The following PPIG variants were observed in gnomAD, a reference collection of about 807,000 sequenced individuals.
PPIG encodes peptidylprolyl isomerase G.
In PPIG, 26 loss-of-function variants were observed where a neutral mutation model predicts 87.9. That is an observed-to-expected ratio of 0.30 (90% confidence interval 0.22 to 0.41). The LOEUF (loss-of-function observed/expected upper bound fraction) is 0.41. PPIG is among the 10% of genes least tolerant of loss of function. The pLI is 1.00. For missense variants in PPIG, 722 were observed against 879.4 expected, an observed-to-expected ratio of 0.82 and a Z score of 2.26; for synonymous variants, 308 against 276.5, an observed-to-expected ratio of 1.11 and a Z score of -1.13.
chr2:169,625,025 T>C (rs766549917), intron 9 of PPIG, among the ~76,000 whole-genome samples: 8 of 152,338 alleles, frequency 5.3e-5, no homozygotes, highest in Middle Eastern at 6.8e-3. Flanking sequence ...ATGATACATG[T>C]ATACAATGCA....
chr2:169,598,472 T>C (rs1040525798), intron 1 of PPIG, among the ~76,000 whole-genome samples: 1 of 152,048 alleles, frequency 6.6e-6, no homozygotes, highest in African/African-American at 2.4e-5. Context: ...TTTGTATTTT[T>C]AGGGGAGACG....
chr2:169,638,925 CT>C lies in PPIG; in HGVS notation c.*1405del, dbSNP rs1273854578. ...ATAGGATTCTCTAGAGAGTTTTGTA[CT>C]TTAATATTTGTCAGTGTAGTGTCAA... On this transcript the variant is annotated 3_prime_UTR_variant, in exon 14 of 14. Coordinates refer to ENST00000260970, the MANE Select transcript of PPIG (RefSeq NM_004792.3). 1 of 151,966 alleles carries C rather than the reference CT, an allele frequency of 6.6e-6. No homozygotes were observed. The highest frequency in any genetic ancestry group is 1.5e-5 in the Non-Finnish European group (1 of 67,908). 9.4% of individuals were successfully genotyped at this position (151,966 alleles called of 1,614,324 possible). A position where few individuals can be genotyped will look rare whatever the true frequency, so the allele number is the denominator to read the frequency against.
chr2:169,589,662 G>T (rs939294805), intron 1 of PPIG, among the ~76,000 whole-genome samples: 5 of 152,038 alleles, frequency 3.3e-5, no homozygotes, highest in African/African-American at 1.2e-4. Flanking sequence ...GTTTTTTTGG[G>T]GGGGGTTGTT....
chr2:169,601,661 G>T (rs953112964), intron 1 of PPIG, among the ~76,000 whole-genome samples: 10 of 152,142 alleles, frequency 6.6e-5, no homozygotes, highest in African/African-American at 1.2e-4. Flanking sequence ...CTGTTGGGTG[G>T]CAGGGGGAAC....
At chr2:169,591,754 A>C (rs2105472299) in intron 1 of PPIG, among the ~76,000 whole-genome samples, 1 of 147,504 alleles carries the variant, frequency 6.8e-6, no homozygotes, top group East Asian at 2.0e-4. Flanking sequence ...TGCTGTGTAG[A>C]AATGGGGCAC....
intron 7 of PPIG, among the ~76,000 whole-genome samples, chr2:169,610,722 C>G (rs1428043767): frequency 6.6e-6 from 1 of 152,090 alleles, no homozygotes; most frequent in Non-Finnish European, 1.5e-5. Context: ...CCCTTTCTTA[C>G]ACCGTAGATG....
intron 1 of PPIG, among the ~76,000 whole-genome samples, chr2:169,588,478 A>C (rs114722079): frequency 2.4e-3 from 363 of 152,280 alleles, no homozygotes; most frequent in African/African-American, 8.4e-3. Flanking sequence ...TTGATCTATA[A>C]AATCAGAAGA....
At chr2:169,597,894 GA>G (rs1685066479) in intron 1 of PPIG, among the ~76,000 whole-genome samples, 3 of 145,098 alleles carry the variant, frequency 2.1e-5, no homozygotes, top group Non-Finnish European at 4.5e-5. Flanking sequence ...TTGTTTGTTT[GA>G]AATAGAAACA....
chr2:169,584,818 C>A (rs772982787), intron 1 of PPIG: 61 of 294,344 alleles, frequency 2.1e-4, no homozygotes, highest in Non-Finnish European at 3.0e-4. Flanking sequence ...TGTAACATGG[C>A]GGCAGCGACT....
intron 12 of PPIG, 69 bp from the exon 13 acceptor site, chr2:169,636,023 C>A: frequency 9.4e-6 from 12 of 1,271,218 alleles, no homozygotes; most frequent in Middle Eastern, 2.5e-4. Context: ...ACTTCCCTCC[C>A]TCCCAGCACC....
At chr2:169,605,002 A>G (rs899460265) in intron 4 of PPIG, among the ~76,000 whole-genome samples, 3 of 151,544 alleles carry the variant, frequency 2.0e-5, no homozygotes, top group African/African-American at 7.3e-5. Context: ...GTTCAAGACA[A>G]TCCTGTCCAA....
In PPIG at chr2:169,638,794, T is replaced by C. The variant is rs1686248382; in HGVS notation, c.*1271T>C. On this transcript the variant is annotated 3_prime_UTR_variant, in exon 14 of 14. Transcript: ENST00000260970. Reference sequence around the variant, plus strand: ...TTTGGGTGTTGTATTTTGCCATTTTTGTGATGTGTGGCCTTTTATTCTGTA... The same window carrying C: ...TTTGGGTGTTGTATTTTGCCATTTTCGTGATGTGTGGCCTTTTATTCTGTA... 6.6e-6 allele frequency: 1 copy of C among 152,046 alleles called. No individual in the cohort carries two copies. The highest frequency in any genetic ancestry group is 6.6e-5 in the Admixed American group (1 of 15,258). 9.4% of individuals were successfully genotyped at this position (152,046 alleles called of 1,614,324 possible).
At chr2:169,588,359 A>T (rs1411780475) in intron 1 of PPIG, among the ~76,000 whole-genome samples, 2 of 152,300 alleles carry the variant, frequency 1.3e-5, no homozygotes, top group African/African-American at 4.8e-5. Context: ...AATATTTGTG[A>T]GTAAACTAGT....
At chr2:169,612,900 G>T (rs1253976479) in intron 7 of PPIG, among the ~76,000 whole-genome samples, 1 of 152,094 alleles carries the variant, frequency 6.6e-6, no homozygotes, top group Non-Finnish European at 1.5e-5. Flanking sequence ...TTAGCTTTGT[G>T]AGGAACTTCC....
chr2:169,605,887 T>C, intron 4 of PPIG, 152 bp from the exon 5 acceptor site: 1 of 608,764 alleles, frequency 1.6e-6, no homozygotes, highest in Admixed American at 3.0e-5. Context: ...TGGGTGATTT[T>C]TTAAATGAAT....
At chr2:169,628,146 A>C (rs10191307) in intron 9 of PPIG, among the ~76,000 whole-genome samples, 1 of 151,874 alleles carries the variant, frequency 6.6e-6, no homozygotes, top group Non-Finnish European at 1.5e-5. Context: ...AGGCACTAAG[A>C]TTACTTACCC....
intron 9 of PPIG, among the ~76,000 whole-genome samples, chr2:169,615,954 C>T (rs987573704): frequency 2.0e-5 from 3 of 152,110 alleles, no homozygotes; most frequent in Non-Finnish European, 2.9e-5. Flanking sequence ...CCCATCAGCC[C>T]GTCATCTACA....
rs112015318 is a variant in PPIG, at chr2:169,585,253, T to C, written c.-70+763T>C. 9.8e-3 allele frequency among the ~76,000 whole-genome samples: 1,387 copies of C among 141,558 alleles called. 12 individuals are homozygous for C. Among genetic ancestry groups the C allele is most frequent in the South Asian group, 0.016 (71 of 4,430 alleles). 92.9% of individuals were successfully genotyped at this position (141,558 alleles called of 152,430 possible). The stretch of plus-strand genomic sequence containing the variant: ...TATGCCTGAAGGGGAAGTATGCTAA[T>C]TTGGTTCTTGGTTAGTCTTTTTTTT... On this transcript the variant is annotated intron_variant, in intron 1 of 13. Transcript: ENST00000260970.
At chr2:169,633,063 A>G (rs2105521181) in intron 11 of PPIG, 97 bp from the exon 12 acceptor site, 1 of 908,446 alleles carries the variant, frequency 1.1e-6, no homozygotes, top group African/African-American at 1.6e-5. Context: ...GGCATGAGCC[A>G]CCGCACCCGG....
Sources: gnomAD v4.1 joint callset for allele counts (sites outside exome capture counted in the v4.1 genomes callset) on GRCh38, gnomAD v4.1.1 for gene constraint, MANE v1.5 for transcripts, NCBI Gene and HGNC (gene_info 2026-07-23, HGNC 2026-07-21) for gene names.